The following CCDC88C variants were observed in gnomAD, a reference collection of about 807,000 sequenced individuals.
CCDC88C encodes protein Daple.
A neutral mutation model predicts 198.8 loss-of-function variants in CCDC88C; 131 were observed. The observed-to-expected ratio is 0.66, with a 90% CI of 0.57 to 0.76. CCDC88C has a LOEUF of 0.76. CCDC88C is among the 30% of genes least tolerant of loss of function. The probability of loss-of-function intolerance (pLI) is 0.00; values close to 1 mark genes in which losing one functional copy is unlikely to be tolerated. For missense variants in CCDC88C, 2,553 were observed against 2,631.6 expected, an observed-to-expected ratio of 0.97 and a Z score of 0.65; for synonymous variants, 1,166 against 1,114.7, an observed-to-expected ratio of 1.05 and a Z score of -0.92.
intron 5 of CCDC88C, 72 bp downstream of exon 5, chr14:91,343,527 G>T: frequency 1.9e-6 from 3 of 1,594,496 alleles, no homozygotes; most frequent in South Asian, 2.2e-5. Flanking sequence ...CTAAGGGCTC[G>T]GTCAAGTCCC....
At chr14:91,335,781 T>C (rs1237663898) in intron 10 of CCDC88C, among the ~76,000 whole-genome samples, 1 of 152,220 alleles carries the variant, frequency 6.6e-6, no homozygotes, top group Non-Finnish European at 1.5e-5. Context: ...GAATCCCAAA[T>C]TGTTCTAAGC....
chr14:91,345,949 G>A (rs2139874946), intron 4 of CCDC88C, among the ~76,000 whole-genome samples: 1 of 151,992 alleles, frequency 6.6e-6, no homozygotes, highest in African/African-American at 2.4e-5. Flanking sequence ...AAAAATCTAT[G>A]TGTTCTTTTT....
chr14:91,350,963 C>T (rs547256466), intron 4 of CCDC88C, among the ~76,000 whole-genome samples: 54 of 152,272 alleles, frequency 3.5e-4, no homozygotes, highest in Non-Finnish European at 4.3e-4. Context: ...GATCTGTCCC[C>T]GGGTCCACCA....
At chr14:91,341,188 A>G (rs1893295206) in intron 6 of CCDC88C, among the ~76,000 whole-genome samples, 1 of 152,160 alleles carries the variant, frequency 6.6e-6, no homozygotes, top group African/African-American at 2.4e-5. Context: ...CATGATTCAG[A>G]GCACCCTAAG....
At chr14:91,297,176 C>A in intron 22 of CCDC88C, 129 bp downstream of exon 22, 1 of 954,940 alleles carries the variant, frequency 1.0e-6, no homozygotes, top group East Asian at 2.6e-5. Context: ...AGCCTCTGTG[C>A]CACCTCCACA....
chr14:91,377,365 C>T (rs1404111057), intron 3 of CCDC88C, among the ~76,000 whole-genome samples: 2 of 152,212 alleles, frequency 1.3e-5, no homozygotes, highest in Admixed American at 6.5e-5. Context: ...TGGTGCTGAA[C>T]TGCTGACGAT....
chr14:91,275,038 T>C (rs1168177082), intron 29 of CCDC88C, among the ~76,000 whole-genome samples: 1 of 152,096 alleles, frequency 6.6e-6, no homozygotes, highest in African/African-American at 2.4e-5. Flanking sequence ...GGGGGCGCGG[T>C]GGGCATACGG....
At chr14:91,369,012 TATGAGC>T (rs1195291657) in intron 3 of CCDC88C, among the ~76,000 whole-genome samples, 16 of 152,284 alleles carry the variant, frequency 1.1e-4, no homozygotes, top group Middle Eastern at 3.4e-3. Context: ...GGACAAGAAT[TATGAGC>T]ATTTCCAGTG....
At chr14:91,340,972 C>T (rs1172645753) in intron 6 of CCDC88C, among the ~76,000 whole-genome samples, 1 of 152,088 alleles carries the variant, frequency 6.6e-6, no homozygotes, top group African/African-American at 2.4e-5. Flanking sequence ...ACTTGTACTC[C>T]AGCCTGGGTG....
At chr14:91,324,970 A>G in intron 11 of CCDC88C, 47 bp from the exon 12 acceptor site, 1 of 1,609,624 alleles carries the variant, frequency 6.2e-7, no homozygotes, top group Non-Finnish European at 8.5e-7. Flanking sequence ...ACAGCTGGAG[A>G]TCCCCCTGGA....
At chr14:91,363,597 T>A (rs577864510) in intron 3 of CCDC88C, among the ~76,000 whole-genome samples, 16 of 152,250 alleles carry the variant, frequency 1.1e-4, no homozygotes, top group East Asian at 9.6e-4. Flanking sequence ...TAAAAAAAAA[T>A]TTTTAAGAAA....
chr14:91,409,732 C>T (rs748288779), intron 2 of CCDC88C, among the ~76,000 whole-genome samples: 1 of 151,078 alleles, frequency 6.6e-6, no homozygotes, highest in Non-Finnish European at 1.5e-5. Context: ...AAGTGACACC[C>T]GCCTTGGCCT....
intron 22 of CCDC88C, among the ~76,000 whole-genome samples, chr14:91,294,970 A>G (rs188434478): frequency 7.5e-4 from 114 of 152,268 alleles, no homozygotes; most frequent in African/African-American, 2.6e-3. Flanking sequence ...AAGTCTGCCA[A>G]CTTCTGTTCT....
chr14:91,411,176 C>A lies in CCDC88C; in HGVS notation c.162-2409G>T, dbSNP rs117796043. Among the ~76,000 whole-genome samples the A allele has an allele frequency of 2.6e-3, 392 of 152,266 alleles. 2 individuals carry two copies. In the East Asian group the frequency reaches 0.027, roughly 11 times the overall value. On this transcript the variant is annotated intron_variant, in intron 2 of 29. Transcript: ENST00000389857. ...AGGACACTAATCAAAACAAAAGCCT[C>A]AACTACAGTTAAGGCAGGCACATCT... is the stretch of plus-strand genomic sequence containing the variant.
chr14:91,412,733 C>G (rs1345281344), intron 2 of CCDC88C, among the ~76,000 whole-genome samples: 3 of 152,162 alleles, frequency 2.0e-5, no homozygotes, highest in South Asian at 2.1e-4. Context: ...CCGTGCCCAG[C>G]CTGTTTGTAT....
At chr14:91,385,253 G>A (rs1279434065) in intron 3 of CCDC88C, among the ~76,000 whole-genome samples, 1 of 152,090 alleles carries the variant, frequency 6.6e-6, no homozygotes, top group Non-Finnish European at 1.5e-5. Flanking sequence ...CGCAGCCAGG[G>A]CCCCAACACA....
At chr14:91,360,303 C>T (rs1894252403) in intron 3 of CCDC88C, among the ~76,000 whole-genome samples, 2 of 148,944 alleles carry the variant, frequency 1.3e-5, no homozygotes, top group South Asian at 4.2e-4. Flanking sequence ...CTTAAATTAG[C>T]CAGGTATAGT....
intron 17 of CCDC88C, among the ~76,000 whole-genome samples, chr14:91,308,026 C>T (rs540342448): frequency 2.6e-5 from 4 of 152,224 alleles, no homozygotes; most frequent in Admixed American, 1.3e-4. Flanking sequence ...AGAGGGCACC[C>T]GTGAGACTCT....
rs1401821157 is a variant in CCDC88C, at chr14:91,371,315, T to C, written c.271-11604A>G. Among the ~76,000 whole-genome samples, 1 of 151,900 alleles carries C rather than the reference T, an allele frequency of 6.6e-6. No individual in the cohort carries two copies. Among genetic ancestry groups the C allele is most frequent in the East Asian group, 1.9e-4 (1 of 5,184 alleles). On this transcript the variant is annotated intron_variant, in intron 3 of 29. Transcript: ENST00000389857. This position sits in a 1 kb window ranked among gnomAD's most constrained non-coding sequence, Gnocchi z 4.2. ...ATGGAAAAGTCAGTAGTTCTGCTGA[T>C]GGATAAGCAAGAAAGGGGCAGAGAA... is the stretch of plus-strand genomic sequence containing the variant.
Sources: allele counts gnomAD v4.1 joint callset (sites outside exome capture counted in the v4.1 genomes callset), GRCh38; gene constraint gnomAD v4.1.1; non-coding constraint Gnocchi (gnomAD v3.1); transcripts MANE v1.5; gene names NCBI Gene and HGNC (gene_info 2026-07-23, HGNC 2026-07-21).